Variants in EPC2 observed in about 807,000 individuals in gnomAD.
EPC2 encodes the protein enhancer of polycomb homolog 2.
EPC2 carries 14 observed loss-of-function variants against 92.1 expected under a neutral mutation model. That is an observed-to-expected ratio of 0.15 (90% confidence interval 0.10 to 0.24). EPC2 has a LOEUF of 0.24. Ranked by LOEUF, EPC2 falls within the 10% of genes least tolerant of loss-of-function variation. The probability of loss-of-function intolerance (pLI) is 1.00; values close to 1 mark genes in which losing one functional copy is unlikely to be tolerated. For missense variants in EPC2, 755 were observed against 971.5 expected (o/e 0.78, Z 2.96); for synonymous variants, 340 against 334.7 (o/e 1.02, Z -0.17).
intron 1 of EPC2, among the ~76,000 whole-genome samples, chr2:148,653,305 A>G (rs909970969): frequency 6.6e-6 from 1 of 152,222 alleles, no homozygotes; most frequent in African/African-American, 2.4e-5. Context: ...TTGAAGTAGA[A>G]AAACAGTAAT....
intron 2 of EPC2, among the ~76,000 whole-genome samples, chr2:148,700,238 TAAC>T (rs1376736138): frequency 3.9e-5 from 6 of 152,182 alleles, no homozygotes; most frequent in Admixed American, 1.3e-4. Flanking sequence ...AAGTCCAGCT[TAAC>T]AATTTTTTTA....
intron 1 of EPC2, among the ~76,000 whole-genome samples, chr2:148,648,500 C>T (rs1254215013): frequency 6.6e-6 from 1 of 151,964 alleles, no homozygotes. Flanking sequence ...AGATTTTTTT[C>T]TTTTAAATCA....
In EPC2 at chr2:148,753,947, A is replaced by C. The variant is rs759249514; in HGVS notation, c.480A>C (p.Ala160=). Residue 160 remains alanine (A), a synonymous_variant, in exon 4 of 14, where the codon GCA becomes GCC. Coordinates refer to ENST00000258484, the MANE Select transcript of EPC2 (RefSeq NM_015630.4). ...SSNQLVTLQE[A]KLLLNEDDYL... ...TTTAGCTTGTAACACTTCAAGAAGC[A>C]AAACTGCTGCTAAACGAAGATGATT... 6.2e-7 allele frequency: 1 copy of C among 1,611,038 alleles called. No individual in the cohort carries two copies. The highest frequency in any genetic ancestry group is 8.5e-7 in the Non-Finnish European group (1 of 1,178,524).
chr2:148,714,487 CA>C (rs1682217469), intron 2 of EPC2, among the ~76,000 whole-genome samples: 1 of 152,310 alleles, frequency 6.6e-6, no homozygotes, highest in African/African-American at 2.4e-5. Context: ...GGCATTGCCA[CA>C]CTGTCTTCCA....
At chr2:148,732,257 C>T (rs1266790287) in intron 2 of EPC2, among the ~76,000 whole-genome samples, 5 of 152,140 alleles carry the variant, frequency 3.3e-5, no homozygotes, top group Admixed American at 6.6e-5. Context: ...GGTGCACCCG[C>T]GGTCTTGCAC....
At chr2:148,757,698 G>T (rs2105419630) in intron 4 of EPC2, among the ~76,000 whole-genome samples, 1 of 152,096 alleles carries the variant, frequency 6.6e-6, no homozygotes, top group South Asian at 2.1e-4. Context: ...TTAGCTGGAT[G>T]TGGTGATGTG....
chr2:148,779,731 T>A (rs1397355887), intron 10 of EPC2, among the ~76,000 whole-genome samples: 1 of 152,206 alleles, frequency 6.6e-6, no homozygotes, highest in African/African-American at 2.4e-5. Flanking sequence ...AAAGTATATA[T>A]CCTTATTTGG....
intron 2 of EPC2, among the ~76,000 whole-genome samples, chr2:148,712,639 C>T (rs1472606631): frequency 6.6e-6 from 1 of 151,826 alleles, no homozygotes; most frequent in Non-Finnish European, 1.5e-5. Flanking sequence ...CCTGTAATCC[C>T]AATACTTTGG....
rs1574643939 is a variant in EPC2, at chr2:148,786,462, CACAGA to C, written c.*86_*90del. On this transcript the variant is annotated 3_prime_UTR_variant, in exon 14 of 14. Transcript: ENST00000258484. ...ATGCAAAAGGCAACACTCTGTGGAT[CACAGA>C]GTGTAACAATGGACCTAAATGGACT... 1 of 1,070,850 alleles carries C rather than the reference CACAGA, an allele frequency of 9.3e-7. No homozygotes were observed. Among genetic ancestry groups the C allele is most frequent in the East Asian group, 2.6e-5 (1 of 38,996 alleles). 66.3% of individuals were successfully genotyped at this position (1,070,850 alleles called of 1,614,324 possible). A position where few individuals can be genotyped will look rare whatever the true frequency, so the allele number is the denominator to read the frequency against.
chr2:148,738,563 T>G lies in EPC2; in HGVS notation c.314-5059T>G, dbSNP rs569771761. On this transcript the variant is annotated intron_variant, in intron 2 of 13. Coordinates refer to ENST00000258484, the MANE Select transcript of EPC2 (RefSeq NM_015630.4). ...TACTTATGCTATATGTGCAGTTGCA[T>G]CCTAGTTGTGTAAATAACCAGAGAA... 4.1e-4 allele frequency among the ~76,000 whole-genome samples: 63 copies of G among 152,194 alleles called. 1 individual carries two copies. Among genetic ancestry groups the G allele is most frequent in the Non-Finnish European group, 7.2e-4 (49 of 68,026 alleles).
chr2:148,739,171 G>T (rs1322198675), intron 2 of EPC2, among the ~76,000 whole-genome samples: 1 of 152,190 alleles, frequency 6.6e-6, no homozygotes, highest in African/African-American at 2.4e-5. Flanking sequence ...CCCTCCTGGA[G>T]ATTTGAATGG....
At chr2:148,681,544 C>T (rs1242236444) in intron 1 of EPC2, among the ~76,000 whole-genome samples, 2 of 151,908 alleles carry the variant, frequency 1.3e-5, no homozygotes, top group African/African-American at 2.4e-5. Context: ...TGACTGCGAT[C>T]GACAATAAAA....
intron 2 of EPC2, among the ~76,000 whole-genome samples, chr2:148,722,681 C>T (rs1448964156): frequency 6.6e-6 from 1 of 152,072 alleles, no homozygotes; most frequent in Non-Finnish European, 1.5e-5. Flanking sequence ...GGGTATATAC[C>T]CAAAGAATTA....
At chr2:148,676,883 T>C (rs1288325076) in intron 1 of EPC2, among the ~76,000 whole-genome samples, 1 of 143,146 alleles carries the variant, frequency 7.0e-6, no homozygotes, top group Non-Finnish European at 1.5e-5. Context: ...GGGGGGGGGG[T>C]TGAATTCCAT....
Position 148,738,146 on chromosome 2 carries a change from A to AC in EPC2, c.314-5476_314-5475insC, listed in dbSNP as rs1682805719. ...TGAAACAACAACAACAACAACAACAAAAACTCCTTTGCTTTTGTTTTAATG... is the reference window on the plus strand; with the variant it reads ...TGAAACAACAACAACAACAACAACAACAAACTCCTTTGCTTTTGTTTTAATG... On this transcript the variant is annotated intron_variant, in intron 2 of 13. Transcript: ENST00000258484. Among the ~76,000 whole-genome samples, 6 of 152,162 alleles carry AC rather than the reference A, an allele frequency of 3.9e-5. No homozygotes were observed. The East Asian group carries it at 1.2e-3, about 29-fold the overall frequency.
rs140127975 is a variant in EPC2, at chr2:148,704,161, G to T, written c.313+13788G>T. On this transcript the variant is annotated intron_variant, in intron 2 of 13. Coordinates refer to ENST00000258484, the MANE Select transcript of EPC2 (RefSeq NM_015630.4). ...GAATTAATACAGGTATTCATCACTG[G>T]ATGAATGGGTAAGCAAAATGTGGCG... is the stretch of plus-strand genomic sequence containing the variant. 2.0e-5 allele frequency among the ~76,000 whole-genome samples: 3 copies of T among 152,322 alleles called. No individual in the cohort carries two copies. The East Asian group carries it at 5.8e-4, about 29-fold the overall frequency.
intron 1 of EPC2, among the ~76,000 whole-genome samples, chr2:148,687,410 TAGTG>T (rs1281802137): frequency 3.3e-5 from 5 of 152,224 alleles, no homozygotes; most frequent in Non-Finnish European, 7.4e-5. Context: ...GAGTGGCACT[TAGTG>T]AGCTTAAAAA....
intron 2 of EPC2, among the ~76,000 whole-genome samples, chr2:148,735,813 A>G (rs981313999): frequency 3.3e-5 from 5 of 149,588 alleles, no homozygotes; most frequent in Non-Finnish European, 5.9e-5. Flanking sequence ...ATCAGTGTGC[A>G]TATTTCTTGA....
intron 1 of EPC2, among the ~76,000 whole-genome samples, chr2:148,678,485 G>T (rs966412487): frequency 7.9e-5 from 12 of 152,362 alleles, no homozygotes; most frequent in African/African-American, 2.9e-4. Context: ...GGCTGCGCAG[G>T]AGCCCATGGA....
Sources: allele counts gnomAD v4.1 joint callset (sites outside exome capture counted in the v4.1 genomes callset), GRCh38; gene constraint gnomAD v4.1.1; transcripts MANE v1.5; gene names NCBI Gene and HGNC (gene_info 2026-07-23, HGNC 2026-07-21).